SCFD2: variants seen among roughly 807,000 people sequenced by gnomAD.
SCFD2 encodes sec1 family domain containing 2, also known as sec1 family domain-containing protein 2.
Under a neutral mutation model 58.9 loss-of-function variants are expected in SCFD2, and 54 were observed. That is an observed-to-expected ratio of 0.92 (90% CI 0.74 to 1.15). SCFD2 has a LOEUF of 1.15. Ranked by LOEUF, SCFD2 falls within the 50% of genes most tolerant of loss-of-function variation. The pLI, the probability that SCFD2 is intolerant of heterozygous loss-of-function variation, is 0.00. For missense variants in SCFD2, 805 were observed against 836.6 expected (o/e 0.96, Z 0.47); for synonymous variants, 321 against 335.9 (o/e 0.96, Z 0.49).
intron 5 of SCFD2, among the ~76,000 whole-genome samples, chr4:53,102,601 A>T (rs1304064035): frequency 6.6e-6 from 1 of 152,056 alleles, no homozygotes. Context: ...CAAAAAAGAT[A>T]TAAAATTACA....
At chr4:53,191,578 T>C (rs1034078839) in intron 4 of SCFD2, among the ~76,000 whole-genome samples, 3 of 152,000 alleles carry the variant, frequency 2.0e-5, no homozygotes, top group Non-Finnish European at 4.4e-5. Context: ...AGCTAATTTT[T>C]GTATTTTTAG....
intron 5 of SCFD2, among the ~76,000 whole-genome samples, chr4:52,962,647 T>C (rs1245087766): frequency 6.6e-6 from 1 of 151,904 alleles, no homozygotes; most frequent in Non-Finnish European, 1.5e-5. Context: ...GAGCATTGTG[T>C]TAATGCTATG....
intron 7 of SCFD2, among the ~76,000 whole-genome samples, chr4:52,895,749 C>A (rs928315093): frequency 1.3e-5 from 2 of 152,092 alleles, no homozygotes; most frequent in Non-Finnish European, 2.9e-5. Flanking sequence ...ATCGTCACAC[C>A]GATTTCCACA....
chr4:52,886,920 C>T (rs571544827), intron 7 of SCFD2, among the ~76,000 whole-genome samples: 1 of 152,304 alleles, frequency 6.6e-6, no homozygotes, highest in Admixed American at 6.5e-5. Flanking sequence ...ATAAATGTGC[C>T]CCCTTCTTTG....
chr4:52,978,045 T>C (rs1235520321), intron 5 of SCFD2, among the ~76,000 whole-genome samples: 1 of 152,220 alleles, frequency 6.6e-6, no homozygotes, highest in Non-Finnish European at 1.5e-5. Context: ...TAGACTGTTT[T>C]GTTCACTGCT....
intron 4 of SCFD2, among the ~76,000 whole-genome samples, chr4:53,241,923 GGA>G (rs2149026449): frequency 6.6e-6 from 1 of 152,314 alleles, no homozygotes; most frequent in African/African-American, 2.4e-5. Flanking sequence ...CCACCTGCAT[GGA>G]CATGTACAGA....
At chr4:53,131,307 A>T (rs1457713739) in intron 5 of SCFD2, among the ~76,000 whole-genome samples, 1 of 152,202 alleles carries the variant, frequency 6.6e-6, no homozygotes, top group Non-Finnish European at 1.5e-5. Context: ...GTATGCAACG[A>T]GTCAGAGATG....
At chr4:53,294,349 G>A (rs1053577792) in intron 3 of SCFD2, among the ~76,000 whole-genome samples, 2 of 152,210 alleles carry the variant, frequency 1.3e-5, no homozygotes, top group African/African-American at 4.8e-5. Flanking sequence ...ACTGGCATGA[G>A]ATGGTACATC....
chr4:53,093,455 T>C (rs990137881), intron 5 of SCFD2, among the ~76,000 whole-genome samples: 7 of 152,136 alleles, frequency 4.6e-5, no homozygotes, highest in Non-Finnish European at 8.8e-5. Flanking sequence ...TCAATATATA[T>C]AACTTTTGAT....
At chr4:53,133,635 G>A (rs1239189881) in intron 5 of SCFD2, among the ~76,000 whole-genome samples, 2 of 152,112 alleles carry the variant, frequency 1.3e-5, no homozygotes, top group African/African-American at 4.8e-5. Context: ...TTTTACTACT[G>A]GTTGTAGAAT....
At chr4:53,158,439 C>G (rs941907380) in intron 4 of SCFD2, among the ~76,000 whole-genome samples, 1 of 152,146 alleles carries the variant, frequency 6.6e-6, no homozygotes, top group African/African-American at 2.4e-5. Flanking sequence ...CAAATTTGCT[C>G]TTCATCCTCT....
intron 5 of SCFD2, among the ~76,000 whole-genome samples, chr4:53,054,282 C>A (rs1437663937): frequency 6.6e-6 from 1 of 152,142 alleles, no homozygotes; most frequent in Non-Finnish European, 1.5e-5. Flanking sequence ...GAATAATATT[C>A]CCCTGTGTAT....
chr4:53,104,797 G>A (rs1019737100), intron 5 of SCFD2, among the ~76,000 whole-genome samples: 1 of 152,168 alleles, frequency 6.6e-6, no homozygotes, highest in Non-Finnish European at 1.5e-5. Flanking sequence ...CAGATGACCT[G>A]ACGTTTCCTC....
intron 5 of SCFD2, among the ~76,000 whole-genome samples, chr4:52,987,085 A>G (rs1721512978): frequency 6.6e-6 from 1 of 152,038 alleles, no homozygotes; most frequent in African/African-American, 2.4e-5. Context: ...GCTGGAGTGC[A>G]GTGGTGCAAT....
rs757490896 is a variant in SCFD2 at position 53,352,687 on chromosome 4, A to T, written c.918T>A (p.Asp306Glu). Residue 306 changes from aspartate to glutamate, a missense_variant, in exon 2 of 9, where the codon GAT becomes GAA. Transcript: ENST00000401642. Reference sequence around the variant, plus strand: ...TGAGCGCTATCATGTTAACCATCACATCATTTGTGTGGCCTGGGAGCTGGG... The same window carrying T: ...TGAGCGCTATCATGTTAACCATCACTTCATTTGTGTGGCCTGGGAGCTGGG... ...ALPQLPGHTNDVMVNMIALTA... is the reference protein window; with the variant it reads ...ALPQLPGHTNEVMVNMIALTA... 1.9e-6 allele frequency: 3 copies of T among 1,613,916 alleles called. No homozygotes were observed. Among genetic ancestry groups the T allele is most frequent in the South Asian group, 2.2e-5 (2 of 91,080 alleles).
chr4:53,181,860 T>A (rs1727570591), intron 4 of SCFD2, among the ~76,000 whole-genome samples: 1 of 151,602 alleles, frequency 6.6e-6, no homozygotes, highest in South Asian at 2.1e-4. Flanking sequence ...TATACACCAA[T>A]AACAGACAGA....
intron 4 of SCFD2, among the ~76,000 whole-genome samples, chr4:53,157,869 A>G (rs1726736503): frequency 6.6e-6 from 1 of 152,188 alleles, no homozygotes; most frequent in Admixed American, 6.5e-5. Context: ...ACGTTGTTAG[A>G]GAGAAAGGCT....
At chr4:53,350,281 G>A (rs1241551591) in intron 2 of SCFD2, among the ~76,000 whole-genome samples, 2 of 152,140 alleles carry the variant, frequency 1.3e-5, no homozygotes, top group African/African-American at 4.8e-5. Context: ...CTGGGCAAAA[G>A]GTGGGCACAA....
chr4:53,264,840 T>C (rs1396451836), intron 4 of SCFD2, among the ~76,000 whole-genome samples: 1 of 152,204 alleles, frequency 6.6e-6, no homozygotes, highest in Non-Finnish European at 1.5e-5. Context: ...AAAAACTACT[T>C]TGGCAGCCAA....
Sources: allele counts gnomAD v4.1 joint callset (sites outside exome capture counted in the v4.1 genomes callset), GRCh38; gene constraint gnomAD v4.1.1; transcripts MANE v1.5; gene names NCBI Gene and HGNC (gene_info 2026-07-23, HGNC 2026-07-21).